Variants in SHANK2 observed in about 807,000 individuals in gnomAD.
SHANK2 encodes the protein SH3 and multiple ankyrin repeat domains protein 2.
A neutral mutation model predicts 133.7 loss-of-function variants in SHANK2; 43 were observed. The observed-to-expected ratio is 0.32, with a 90% CI of 0.25 to 0.41. The LOEUF (loss-of-function observed/expected upper bound fraction) is 0.41, where lower values mean the gene tolerates loss of function less well. Among genes scored for constraint, SHANK2 ranks in the 10% least tolerant of loss-of-function variants. The pLI is 1.00. For missense variants in SHANK2, 1,994 were observed against 2,235.8 expected (o/e 0.89, Z 2.18); for synonymous variants, 1,017 against 952.8 (o/e 1.07, Z -1.24).
chr11:71,126,415 TC>T (rs1555102691), intron 3 of SHANK2, among the ~76,000 whole-genome samples: 3 of 152,172 alleles, frequency 2.0e-5, no homozygotes, highest in African/African-American at 7.2e-5. Context: ...ATGTACCTGG[TC>T]ACTCAAGAGT....
In SHANK2 at chr11:71,147,255, C is replaced by T. The variant is rs1952671752; in HGVS notation, c.72G>A (p.Glu24=). ...TGGTCTCTTCTTTGGAGCTGTCTGA[C>T]TCCGACCCCACGGAGTAGTCGGAGA... is the stretch of plus-strand genomic sequence containing the variant. The part of the protein sequence containing the change: ...QSFSDYSVGS[E]SDSSKEETIY... Residue 24 remains glutamate (E), a synonymous_variant, in exon 3 of 26, where the codon GAG becomes GAA. Transcript: ENST00000601538. The T allele has an allele frequency of 1.3e-6, 2 of 1,551,048 alleles. No individual in the cohort carries two copies. The highest frequency in any genetic ancestry group is 1.4e-5 in the African/African-American group (1 of 73,192).
chr11:70,850,400 A>G (rs1162457355), intron 11 of SHANK2, among the ~76,000 whole-genome samples: 1 of 152,158 alleles, frequency 6.6e-6, no homozygotes, highest in Non-Finnish European at 1.5e-5. Flanking sequence ...CAACTGGCTC[A>G]CTTTACCCAA....
At chr11:71,230,393 C>A (rs1029994900) in intron 1 of SHANK2, among the ~76,000 whole-genome samples, 13 of 152,114 alleles carry the variant, frequency 8.5e-5, no homozygotes, top group South Asian at 2.1e-4. Flanking sequence ...CACGGTGAAA[C>A]CCCATCTCTA....
chr11:70,704,475 G>A (rs1945615379), intron 14 of SHANK2, among the ~76,000 whole-genome samples: 1 of 152,196 alleles, frequency 6.6e-6, no homozygotes, highest in African/African-American at 2.4e-5. Flanking sequence ...GGGTGCATAT[G>A]TGGGTGTGGT....
intron 23 of SHANK2, chr11:70,489,730 C>T (rs2058858509): frequency 3.1e-6 from 1 of 321,496 alleles, no homozygotes; most frequent in East Asian, 6.8e-5. Context: ...GTCTCAAGGT[C>T]AAGTGTACCT....
intron 3 of SHANK2, among the ~76,000 whole-genome samples, chr11:71,125,404 A>T (rs1447757470): frequency 2.6e-5 from 4 of 152,222 alleles, no homozygotes; most frequent in Non-Finnish European, 5.9e-5. Flanking sequence ...GGTAAGTGAA[A>T]CAGGCCTTAG....
chr11:70,587,761 G>A (rs1286200706), intron 17 of SHANK2, among the ~76,000 whole-genome samples: 1 of 144,074 alleles, frequency 6.9e-6, no homozygotes, highest in Non-Finnish European at 1.5e-5. Flanking sequence ...CTGGAGTACA[G>A]TGGCGAGATC....
At chr11:70,713,995 G>T (rs1158697784) in intron 14 of SHANK2, among the ~76,000 whole-genome samples, 4 of 152,188 alleles carry the variant, frequency 2.6e-5, no homozygotes, top group African/African-American at 9.7e-5. Flanking sequence ...TCACTCAACA[G>T]CTATTTGCAA....
intron 1 of SHANK2, among the ~76,000 whole-genome samples, chr11:71,251,065 C>T (rs543243903): frequency 6.6e-6 from 1 of 152,240 alleles, no homozygotes; most frequent in African/African-American, 2.4e-5. Context: ...CAGCTGCCAG[C>T]CCCCGAGAGC....
In SHANK2 at chr11:71,252,240, C is replaced by T. The variant is rs1485687327; in HGVS notation, c.-113+185G>A. On this transcript the variant is annotated intron_variant, in intron 1 of 25. Coordinates refer to ENST00000601538, the MANE Select transcript of SHANK2 (RefSeq NM_012309.5). This position sits in a 1 kb window ranked among gnomAD's most constrained non-coding sequence, Gnocchi z 6.3. Reference sequence around the variant, plus strand: ...CGGAAAATCGACCCCCACCTGGACACGCGGCTCACTCCCCCCAGCGCCCAC... The same window carrying T: ...CGGAAAATCGACCCCCACCTGGACATGCGGCTCACTCCCCCCAGCGCCCAC... 6.6e-6 allele frequency among the ~76,000 whole-genome samples: 1 copy of T among 152,128 alleles called. No homozygotes were observed. The highest frequency in any genetic ancestry group is 1.5e-5 in the Non-Finnish European group (1 of 68,018).
chr11:70,618,648 C>T (rs535088810), intron 17 of SHANK2, among the ~76,000 whole-genome samples: 1 of 152,308 alleles, frequency 6.6e-6, no homozygotes, highest in Admixed American at 6.5e-5. Flanking sequence ...ATACGGTAAT[C>T]CAGCTTAATT....
chr11:70,608,692 C>T (rs546077869), intron 17 of SHANK2, among the ~76,000 whole-genome samples: 12 of 152,328 alleles, frequency 7.9e-5, no homozygotes, highest in South Asian at 2.1e-4. Flanking sequence ...TCACCCACCT[C>T]GACACGGGGG....
chr11:70,828,548 C>A (rs1422343374), intron 11 of SHANK2, among the ~76,000 whole-genome samples: 1 of 152,382 alleles, frequency 6.6e-6, no homozygotes, highest in East Asian at 1.9e-4. Context: ...CCAGAAGAAC[C>A]CTCCTCGGAT....
In SHANK2 at chr11:70,911,552, C is replaced by CT. The variant is rs1950192168; in HGVS notation, c.1108-14986dup. Among the ~76,000 whole-genome samples, 7 of 152,126 alleles carry CT rather than the reference C, an allele frequency of 4.6e-5. No individual in the cohort carries two copies. In the South Asian group the frequency reaches 1.5e-3, roughly 32 times the overall value. On this transcript the variant is annotated intron_variant, in intron 10 of 25. Coordinates refer to ENST00000601538, the MANE Select transcript of SHANK2 (RefSeq NM_012309.5). ...AACTTTATTTGCCCCCCAACTTCTC[C>CT]TTTTTTGCAACCTCACCATTGCTAT...
intron 3 of SHANK2, among the ~76,000 whole-genome samples, chr11:71,141,959 A>G (rs1952562519): frequency 1.3e-5 from 2 of 149,710 alleles, no homozygotes; most frequent in Admixed American, 6.6e-5. Context: ...CAAACCTCCA[A>G]CGGTCTCTGA....
intron 14 of SHANK2, among the ~76,000 whole-genome samples, chr11:70,762,956 GCT>G (rs1947026393): frequency 6.6e-6 from 1 of 152,168 alleles, no homozygotes; most frequent in Admixed American, 6.5e-5. Context: ...ATGGGAGCAC[GCT>G]CACCTGCACA....
At chr11:71,124,422 C>G (rs1227380667) in intron 3 of SHANK2, among the ~76,000 whole-genome samples, 3 of 150,930 alleles carry the variant, frequency 2.0e-5, no homozygotes, top group Non-Finnish European at 3.0e-5. Flanking sequence ...ATAATGATAA[C>G]CATGACACAG....
chr11:70,754,848 G>A lies in SHANK2; in HGVS notation c.1777+43595C>T, dbSNP rs78880531. ...GTTTCCAAGAAATGCTGACAAAACC[G>A]AAGAGCTGGGAAGTGCTGCTTCAAA... On this transcript the variant is annotated intron_variant, in intron 14 of 25. Transcript: ENST00000601538. 4.5e-3 allele frequency among the ~76,000 whole-genome samples: 685 copies of A among 152,226 alleles called. 5 individuals carry two copies. Among genetic ancestry groups the A allele is most frequent in the African/African-American group, 0.016 (652 of 41,530 alleles).
At chr11:71,211,430 T>C (rs1364514262) in intron 2 of SHANK2, among the ~76,000 whole-genome samples, 2 of 151,622 alleles carry the variant, frequency 1.3e-5, no homozygotes, top group Non-Finnish European at 2.9e-5. Flanking sequence ...CCCAGCTACC[T>C]GGGGGGCTGA....
Sources: allele counts gnomAD v4.1 joint callset (sites outside exome capture counted in the v4.1 genomes callset), GRCh38; gene constraint gnomAD v4.1.1; non-coding constraint Gnocchi (gnomAD v3.1); transcripts MANE v1.5; gene names NCBI Gene and HGNC (gene_info 2026-07-23, HGNC 2026-07-21).